Variants in SLIT2 observed in about 807,000 individuals in gnomAD.
SLIT2 encodes slit guidance ligand 2.
SLIT2 carries 41 observed loss-of-function variants against 185.7 expected under a neutral mutation model. The ratio of observed to expected loss-of-function variants is 0.22; its 90% CI spans 0.17 to 0.29. The LOEUF (loss-of-function observed/expected upper bound fraction) is 0.29. SLIT2 is among the 10% of genes least tolerant of loss of function. The pLI is 1.00. For synonymous variants in SLIT2, 693 were observed against 680.2 expected, an observed-to-expected ratio of 1.02 and a Z score of -0.29; for missense variants, 1,571 against 1,909.0, an observed-to-expected ratio of 0.82 and a Z score of 3.30.
intron 4 of SLIT2, among the ~76,000 whole-genome samples, chr4:20,346,068 C>A (rs1721384895): frequency 6.6e-6 from 1 of 152,144 alleles, no homozygotes; most frequent in Admixed American, 6.5e-5. Context: ...ACCATGGCTA[C>A]TGCAGCCTCG....
At chr4:20,600,416 T>G (rs13102137) in intron 33 of SLIT2, among the ~76,000 whole-genome samples, 1 of 133,378 alleles carries the variant, frequency 7.5e-6, no homozygotes. Flanking sequence ...ATGTTGCATT[T>G]TTTTTTTTTT....
chr4:20,598,210 C>G lies in SLIT2; in HGVS notation c.3562-55C>G, dbSNP rs552767376. 26 of 1,571,988 alleles carry G rather than the reference C, an allele frequency of 1.7e-5. No individual in the cohort carries two copies. In the South Asian group the frequency reaches 2.5e-4, roughly 15 times the overall value. On this transcript the variant is annotated intron_variant, in intron 32 of 36. Transcript: ENST00000504154. ...CCTCACTTAGCAGTCTCTTTCTGAT[C>G]AAATACGTTTGGTTGCGTACACATC...
rs1394529582 is a variant in SLIT2 at position 20,252,587 on chromosome 4, G to A, written c.-1229G>A. Reference sequence around the variant, plus strand: ...AACCACTAGTGGGAGACCGCCGGGGGCCGGCCGTGGCTCTGCGCCCTCCGG... The same window carrying A: ...AACCACTAGTGGGAGACCGCCGGGGACCGGCCGTGGCTCTGCGCCCTCCGG... On this transcript the variant is annotated 5_prime_UTR_variant, in exon 1 of 37. Transcript: ENST00000504154. Among the ~76,000 whole-genome samples, 7 of 152,242 alleles carry A rather than the reference G, an allele frequency of 4.6e-5. No homozygotes were observed. Among genetic ancestry groups the A allele is most frequent in the East Asian group, 3.9e-4 (2 of 5,164 alleles).
chr4:20,278,718 C>T (rs1387475200), intron 4 of SLIT2, among the ~76,000 whole-genome samples: 1 of 147,884 alleles, frequency 6.8e-6, no homozygotes, highest in Non-Finnish European at 1.5e-5. Flanking sequence ...GTAACAAAAC[C>T]TGGTTATTTA....
intron 22 of SLIT2, among the ~76,000 whole-genome samples, chr4:20,548,172 C>T (rs547332789): frequency 6.6e-6 from 1 of 152,188 alleles, no homozygotes; most frequent in African/African-American, 2.4e-5. Flanking sequence ...GAGATGGGCG[C>T]AGAGGGATAA....
At position 20,520,080 on chromosome 4, in the gene SLIT2, A is replaced by G. The variant is rs112821245; in HGVS notation, c.1130+627A>G. Among the ~76,000 whole-genome samples the G allele has an allele frequency of 4.7e-3, 707 of 151,808 alleles. 8 individuals carry two copies. Among genetic ancestry groups the G allele is most frequent in the African/African-American group, 0.016 (682 of 41,352 alleles). The stretch of plus-strand genomic sequence containing the variant: ...AAAAGATATGGTGATATACTCAGCA[A>G]CTTTTGTCCAGAGAATCTGCAGGAG... On this transcript the variant is annotated intron_variant, in intron 12 of 36. Coordinates refer to ENST00000504154, the MANE Select transcript of SLIT2 (RefSeq NM_004787.4).
At chr4:20,271,036 G>A (rs1713548390) in intron 4 of SLIT2, among the ~76,000 whole-genome samples, 2 of 151,964 alleles carry the variant, frequency 1.3e-5, no homozygotes, top group African/African-American at 2.4e-5. Context: ...ACACGTGCTT[G>A]TGAAGCTCAC....
intron 26 of SLIT2, among the ~76,000 whole-genome samples, chr4:20,555,590 G>T (rs536791869): frequency 5.9e-5 from 9 of 152,098 alleles, no homozygotes; most frequent in African/African-American, 2.2e-4. Flanking sequence ...ACCAAAAAAA[G>T]GTGATGTAGG....
At chr4:20,402,285 C>T (rs1324359466) in intron 4 of SLIT2, among the ~76,000 whole-genome samples, 1 of 151,786 alleles carries the variant, frequency 6.6e-6, no homozygotes, top group Non-Finnish European at 1.5e-5. Flanking sequence ...TTCAGTGCAC[C>T]TAAGAAAATT....
At chr4:20,382,920 T>C (rs1021347071) in intron 4 of SLIT2, among the ~76,000 whole-genome samples, 1 of 152,158 alleles carries the variant, frequency 6.6e-6, no homozygotes, top group Non-Finnish European at 1.5e-5. Context: ...TGCAGTACTC[T>C]ACACAGTGTG....
chr4:20,573,468 A>G (rs1007188161), intron 29 of SLIT2, among the ~76,000 whole-genome samples: 1 of 152,234 alleles, frequency 6.6e-6, no homozygotes, highest in Non-Finnish European at 1.5e-5. Context: ...AATGCAATTT[A>G]TCTATTGTTA....
chr4:20,253,733 G>T lies in SLIT2; in HGVS notation c.-83G>T. 1.3e-6 allele frequency: 2 copies of T among 1,522,796 alleles called. No individual in the cohort carries two copies. Among genetic ancestry groups the T allele is most frequent in the Non-Finnish European group, 1.8e-6 (2 of 1,125,804 alleles). 94.3% of individuals were successfully genotyped at this position (1,522,796 alleles called of 1,614,324 possible). A position where few individuals can be genotyped will look rare whatever the true frequency, so the allele number is the denominator to read the frequency against. On this transcript the variant is annotated 5_prime_UTR_variant, in exon 1 of 37. Coordinates refer to ENST00000504154, the MANE Select transcript of SLIT2 (RefSeq NM_004787.4). The stretch of plus-strand genomic sequence containing the variant: ...GGTTGCTAGCCCCGCCGGGCACTGG[G>T]CCTCAGACACTGCGCGGTTCCCTCG...
chr4:20,306,616 C>T (rs114075511), intron 4 of SLIT2, among the ~76,000 whole-genome samples: 4 of 152,296 alleles, frequency 2.6e-5, no homozygotes, highest in Admixed American at 6.5e-5. Context: ...CCTTATCCCA[C>T]TGCATTTTCG....
rs145872946 is a variant in SLIT2 at position 20,584,712 on chromosome 4, A to G, written c.3089-4932A>G. 9.0e-3 allele frequency among the ~76,000 whole-genome samples: 1,368 copies of G among 152,326 alleles called. 17 individuals are homozygous for G. The highest frequency in any genetic ancestry group is 0.031 in the African/African-American group (1,290 of 41,574). On this transcript the variant is annotated intron_variant, in intron 29 of 36. Transcript: ENST00000504154. ...AATAGTGTTACTGTAGAACTTGGTC[A>G]TTTCTTGTCCTGTTGTGTCCCATAT...
intron 9 of SLIT2, 40 bp downstream of exon 9, chr4:20,491,939 G>C: frequency 6.3e-7 from 1 of 1,594,228 alleles, no homozygotes; most frequent in Non-Finnish European, 8.6e-7. Context: ...CCACCTTCCC[G>C]GTGAACCAAA....
chr4:20,284,046 C>T (rs1430778419), intron 4 of SLIT2, among the ~76,000 whole-genome samples: 1 of 152,146 alleles, frequency 6.6e-6, no homozygotes, highest in East Asian at 1.9e-4. Flanking sequence ...ACAAGAAATA[C>T]AGGTTGAGTG....
intron 4 of SLIT2, among the ~76,000 whole-genome samples, chr4:20,355,823 T>A (rs2109277625): frequency 6.6e-6 from 1 of 152,274 alleles, no homozygotes; most frequent in East Asian, 1.9e-4. Context: ...CTCTGATTGT[T>A]ATCAAGCTCA....
At chr4:20,302,467 TG>T (rs558717234) in intron 4 of SLIT2, among the ~76,000 whole-genome samples, 2 of 152,034 alleles carry the variant, frequency 1.3e-5, no homozygotes, top group South Asian at 4.2e-4. Context: ...ATAATGTCTA[TG>T]GGGGGGATGG....
At chr4:20,309,600 T>G (rs898534006) in intron 4 of SLIT2, among the ~76,000 whole-genome samples, 1 of 152,090 alleles carries the variant, frequency 6.6e-6, no homozygotes, top group Non-Finnish European at 1.5e-5. Flanking sequence ...TTCTCTCCTC[T>G]CTCTAGCTAG....
Sources: gnomAD v4.1 joint callset for allele counts (sites outside exome capture counted in the v4.1 genomes callset) on GRCh38, gnomAD v4.1.1 for gene constraint, MANE v1.5 for transcripts, NCBI Gene and HGNC (gene_info 2026-07-23, HGNC 2026-07-21) for gene names.